The following BRCA1 variants were observed in gnomAD, a reference collection of about 807,000 sequenced individuals.
BRCA1 encodes BRCA1 DNA repair associated.
In BRCA1, 140 loss-of-function variants were observed where a neutral mutation model predicts 173.7. The observed-to-expected ratio is 0.81, with a 90% confidence interval of 0.70 to 0.93. BRCA1 has a LOEUF of 0.93. Ranked by LOEUF, BRCA1 falls within the 40% of genes least tolerant of loss-of-function variation. The probability of loss-of-function intolerance (pLI) is 0.00; values close to 1 mark genes in which losing one functional copy is unlikely to be tolerated. For synonymous variants in BRCA1, 662 were observed against 756.0 expected (o/e 0.88, Z 2.04); for missense variants, 1,983 against 2,172.5 (o/e 0.91, Z 1.73).
chr17:43,152,715 C>A (rs2056170143), intron 1 of BRCA1, among the ~76,000 whole-genome samples: 1 of 152,006 alleles, frequency 6.6e-6, no homozygotes, highest in South Asian at 2.1e-4. Flanking sequence ...ATTAACTGGG[C>A]ATAGTGGCGG....
At position 43,091,460 on chromosome 17, in the gene BRCA1, T is replaced by C. The variant is rs786201475; in HGVS notation, c.4071A>G (p.Glu1357=). The C allele has an allele frequency of 3.7e-6, 6 of 1,613,642 alleles. No individual in the cohort carries two copies. Among genetic ancestry groups the C allele is most frequent in the Non-Finnish European group, 5.1e-6 (6 of 1,179,864 alleles). ...RGTGLEENNQ[E]EQSMDSNLGE... ...CTAAGTTTGAATCCATGCTTTGCTCTTCTTGATTATTTTCTTCCAAGCCCG... is the reference window on the plus strand; with the variant it reads ...CTAAGTTTGAATCCATGCTTTGCTCCTCTTGATTATTTTCTTCCAAGCCCG... The change falls in exon 10 of 23, where the codon GAA becomes GAG. Residue 1357 remains glutamate, a synonymous_variant. Transcript: ENST00000357654.
At chr17:43,142,966 G>A (rs975247871) in intron 1 of BRCA1, among the ~76,000 whole-genome samples, 328 of 72,996 alleles carry the variant, frequency 4.5e-3, no homozygotes, top group African/African-American at 0.01. Flanking sequence ...GTGTGTGTGT[G>A]TATATATATG....
intron 20 of BRCA1, chr17:43,049,957 T>C (rs2051137806): frequency 2.5e-6 from 1 of 397,714 alleles, no homozygotes; most frequent in Non-Finnish European, 4.4e-6. Flanking sequence ...AACCCTGGTT[T>C]CCACTATACC....
chr17:43,152,087 G>A lies in BRCA1; in HGVS notation c.-20+18039C>T, dbSNP rs542888115. 2.6e-5 allele frequency among the ~76,000 whole-genome samples: 4 copies of A among 152,340 alleles called. No individual in the cohort carries two copies. In the East Asian group the frequency reaches 7.7e-4, roughly 29 times the overall value. ...TATGTAACTTTCCCAAGGCCACATA[G>A]TGTGTGATGGAGCCAAGATTTGAAA... On this transcript the variant is annotated intron_variant, in intron 1 of 7. Coordinates refer to the BRCA1 transcript ENST00000634433.
chr17:43,125,510 A>G, upstream of BRCA1: 1 of 328,936 alleles, frequency 3.0e-6, no homozygotes, highest in Non-Finnish European at 6.0e-6. Flanking sequence ...GGACAGAAAG[A>G]GCCAAGCGTC....
At position 43,063,361 on chromosome 17, in the gene BRCA1, G is replaced by A. The variant is rs80357104; in HGVS notation, c.5165C>T (p.Ser1722Phe). The change falls in exon 18 of 23, where the codon TCT (serine) becomes TTT (phenylalanine). Residue 1722 changes from serine (S) to phenylalanine (F), a missense_variant. Ser to Phe is a radical substitution (Grantham distance 155, BLOSUM62 -2). Coordinates refer to ENST00000357654, the MANE Select transcript of BRCA1 (RefSeq NM_007294.4). ...WVVSYFWVTQ[S>F]IKERKMLNEH... ...ATTCAGCATTTTTCTTTCTTTAATA[G>A]ACTGGGTCACCCCTAAAGAGATCAT... 6.2e-7 allele frequency: 1 copy of A among 1,611,462 alleles called. No homozygotes were observed. Among genetic ancestry groups the A allele is most frequent in the Admixed American group, 1.7e-5 (1 of 59,994 alleles).
At chr17:43,116,162 T>C (rs1329659837) in intron 2 of BRCA1, among the ~76,000 whole-genome samples, 3 of 151,634 alleles carry the variant, frequency 2.0e-5, no homozygotes, top group Non-Finnish European at 4.4e-5. Flanking sequence ...AATTTTCTGC[T>C]TATATTTCTT....
In BRCA1 at chr17:43,047,599, T is replaced by C. The variant is rs569138982; in HGVS notation, c.5467+44A>G. The C allele has an allele frequency of 7.5e-6, 12 of 1,607,774 alleles. No individual in the cohort carries two copies. In the South Asian group the frequency reaches 1.1e-4, roughly 15 times the overall value. On this transcript the variant is annotated intron_variant, in intron 22 of 22. Transcript: ENST00000357654. ...GGTAATGAGTGATAAACCAAACCCA[T>C]GCAAAAGGACCCCATATAGCACAGG...
chr17:43,129,101 G>A (rs1021949008), upstream of BRCA1, among the ~76,000 whole-genome samples: 1 of 152,202 alleles, frequency 6.6e-6, no homozygotes, highest in Admixed American at 6.5e-5. Context: ...CTTGTGCCAA[G>A]ACAAGGTGAG....
chr17:43,149,312 T>G (rs558158122), intron 1 of BRCA1, among the ~76,000 whole-genome samples: 14 of 151,816 alleles, frequency 9.2e-5, no homozygotes, highest in Middle Eastern at 3.4e-3. Context: ...AGATGGGGTT[T>G]CACCATGTTA....
intron 2 of BRCA1, among the ~76,000 whole-genome samples, chr17:43,121,683 CAAAAAAAAAAA>C (rs71160013): frequency 3.0e-5 from 1 of 32,898 alleles, no homozygotes; most frequent in Non-Finnish European, 5.1e-5. Context: ...AAGTCTGTCT[CAAAAAAAAAAA>C]AAAAAAAAAA....
chr17:43,089,602 C>A (rs2154233412), intron 11 of BRCA1, among the ~76,000 whole-genome samples: 1 of 148,908 alleles, frequency 6.7e-6, no homozygotes, highest in South Asian at 2.1e-4. Flanking sequence ...GGCTGGAGAG[C>A]AGCAGCATGA....
upstream of BRCA1, among the ~76,000 whole-genome samples, chr17:43,129,726 G>A (rs752748379): frequency 7.2e-5 from 11 of 152,120 alleles, no homozygotes; most frequent in Non-Finnish European, 1.3e-4. Context: ...TGCCTTCCTC[G>A]GCCTCCCAAA....
At chr17:43,055,902 T>A (rs1181545636) in intron 19 of BRCA1, among the ~76,000 whole-genome samples, 1 of 152,188 alleles carries the variant, frequency 6.6e-6, no homozygotes, top group Non-Finnish European at 1.5e-5. Flanking sequence ...ATAGTGGCAC[T>A]GCACTCCAGC....
chr17:43,059,839 A>T (rs1213521440), intron 18 of BRCA1, among the ~76,000 whole-genome samples: 1 of 152,110 alleles, frequency 6.6e-6, no homozygotes, highest in East Asian at 1.9e-4. Flanking sequence ...ACCTTCTCCC[A>T]TTCCTTGTGT....
intron 11 of BRCA1, chr17:43,082,808 A>T (rs2053082273): frequency 1.8e-6 from 1 of 561,894 alleles, no homozygotes; most frequent in South Asian, 2.2e-5. Context: ...CCCCAAATAG[A>T]CTTGATGTTA....
rs2052742922 is a variant in BRCA1 at position 43,076,592 on chromosome 17, ACTT to A, written c.4377_4379del (p.Lys1459_Ser1460delinsAsn). The A allele has an allele frequency of 1.9e-6, 3 of 1,613,654 alleles. No individual in the cohort carries two copies. In the South Asian group the frequency reaches 3.3e-5, roughly 18 times the overall value. ...GATTCTGGCTTATAGGGTATTCACT[ACTT>A]TTCTGTGAAGTTAATACTGCTTTAA... On this transcript the variant is annotated inframe_deletion, in exon 13 of 23. Transcript: ENST00000357654.
At chr17:43,069,567 A>G (rs1045598821) in intron 15 of BRCA1, among the ~76,000 whole-genome samples, 1 of 152,218 alleles carries the variant, frequency 6.6e-6, no homozygotes, top group Non-Finnish European at 1.5e-5. Flanking sequence ...CGTGCAGGCA[A>G]GTGATCAAGA....
At chr17:43,078,435 G>T (rs534384877) in intron 12 of BRCA1, among the ~76,000 whole-genome samples, 2 of 152,330 alleles carry the variant, frequency 1.3e-5, no homozygotes, top group Non-Finnish European at 2.9e-5. Flanking sequence ...GCATCTCACA[G>T]TGCTGGGATT....
Sources: allele counts gnomAD v4.1 joint callset (sites outside exome capture counted in the v4.1 genomes callset), GRCh38; gene constraint gnomAD v4.1.1; transcripts MANE v1.5; gene names NCBI Gene and HGNC (gene_info 2026-07-23, HGNC 2026-07-21).